EBF1: variants seen among roughly 807,000 people sequenced by gnomAD.
The protein encoded by EBF1 is EBF transcription factor 1.
Under a neutral mutation model 68.4 loss-of-function variants are expected in EBF1, and 10 were observed. The ratio of observed to expected loss-of-function variants is 0.15; its 90% CI spans 0.09 to 0.25. EBF1 has a LOEUF of 0.25. EBF1 is among the 10% of genes least tolerant of loss of function. The pLI is 1.00. For synonymous variants in EBF1, 298 were observed against 299.8 expected (o/e 0.99, Z 0.06); for missense variants, 509 against 794.4 (o/e 0.64, Z 4.32).
intron 4 of EBF1, among the ~76,000 whole-genome samples, chr5:159,085,440 A>G (rs1780454523): frequency 6.6e-6 from 1 of 152,186 alleles, no homozygotes. Flanking sequence ...AAATCACCTC[A>G]CCAGCCCAAA....
At chr5:158,978,376 C>T (rs1757199971) in intron 6 of EBF1, among the ~76,000 whole-genome samples, 1 of 152,226 alleles carries the variant, frequency 6.6e-6, no homozygotes, top group African/African-American at 2.4e-5. Flanking sequence ...AACTACTGCA[C>T]ACTTGAGAAC....
At chr5:158,777,848 A>G (rs573263834) in intron 9 of EBF1, among the ~76,000 whole-genome samples, 5 of 152,260 alleles carry the variant, frequency 3.3e-5, no homozygotes, top group South Asian at 2.1e-4. Context: ...TCTGAAGCAG[A>G]CACCCAAATC....
chr5:158,947,074 C>T (rs1442329336), intron 6 of EBF1, among the ~76,000 whole-genome samples: 1 of 152,172 alleles, frequency 6.6e-6, no homozygotes, highest in Non-Finnish European at 1.5e-5. Context: ...CTTCAGACTG[C>T]TGTGCTGGCA....
intron 6 of EBF1, among the ~76,000 whole-genome samples, chr5:158,962,285 C>T (rs976016050): frequency 2.6e-5 from 4 of 152,100 alleles, no homozygotes; most frequent in Non-Finnish European, 4.4e-5. Context: ...CAAACAATCA[C>T]ATTAAACTCA....
At chr5:158,822,145 T>C (rs77468350) in intron 8 of EBF1, among the ~76,000 whole-genome samples, 2 of 152,210 alleles carry the variant, frequency 1.3e-5, no homozygotes, top group East Asian at 1.9e-4. Flanking sequence ...TTGCTGACCC[T>C]AGCAAACTGG....
rs537322799 is a variant in EBF1 at position 158,899,127 on chromosome 5, A to G, written c.555-59017T>C. On this transcript the variant is annotated intron_variant, in intron 6 of 15. Transcript: ENST00000313708. ...CGTGAAAATGAAAATTACATATTAA[A>G]CTATTCCAACAGGTGCCATTTTAAA... Among the ~76,000 whole-genome samples the G allele has an allele frequency of 2.6e-5, 4 of 152,366 alleles. No individual in the cohort carries two copies. The South Asian group carries it at 6.2e-4, about 24-fold the overall frequency.
At chr5:159,027,046 T>C (rs777561146) in intron 6 of EBF1, among the ~76,000 whole-genome samples, 4 of 152,208 alleles carry the variant, frequency 2.6e-5, no homozygotes, top group African/African-American at 4.8e-5. Context: ...GGACCATTAG[T>C]GCATATTTTC....
At position 158,863,870 on chromosome 5, in the gene EBF1, C is replaced by T. The variant is rs528575193; in HGVS notation, c.555-23760G>A. Among the ~76,000 whole-genome samples, 3 of 152,204 alleles carry T rather than the reference C, an allele frequency of 2.0e-5. No individual in the cohort carries two copies. In the South Asian group the frequency reaches 6.2e-4, roughly 32 times the overall value. On this transcript the variant is annotated intron_variant, in intron 6 of 15. Transcript: ENST00000313708. Reference sequence around the variant, plus strand: ...GATGCCAAAGTCTCATGAAAATATACAGAAACCGGAAGCTCAATGGCAGCA... The same window carrying T: ...GATGCCAAAGTCTCATGAAAATATATAGAAACCGGAAGCTCAATGGCAGCA...
At chr5:158,756,517 A>G (rs2127602631) in intron 10 of EBF1, among the ~76,000 whole-genome samples, 1 of 152,190 alleles carries the variant, frequency 6.6e-6, no homozygotes, top group Non-Finnish European at 1.5e-5. Flanking sequence ...ATTCCTGATT[A>G]AAAATAACCT....
chr5:159,064,198 A>G (rs1195971961), intron 6 of EBF1, among the ~76,000 whole-genome samples: 1 of 152,208 alleles, frequency 6.6e-6, no homozygotes, highest in African/African-American at 2.4e-5. Context: ...GTGTGTATAT[A>G]TACATATAAA....
chr5:158,853,870 C>T (rs1455641809), intron 6 of EBF1, among the ~76,000 whole-genome samples: 5 of 152,138 alleles, frequency 3.3e-5, no homozygotes, highest in Non-Finnish European at 5.9e-5. Context: ...GTCTCAAATG[C>T]AGACCCTACA....
At chr5:159,066,903 T>C (rs1320933155) in intron 6 of EBF1, among the ~76,000 whole-genome samples, 3 of 152,144 alleles carry the variant, frequency 2.0e-5, no homozygotes, top group African/African-American at 7.2e-5. Flanking sequence ...CTGGATAGTA[T>C]GTAGTTACGC....
chr5:159,025,881 G>A (rs1237218423), intron 6 of EBF1, among the ~76,000 whole-genome samples: 1 of 152,186 alleles, frequency 6.6e-6, no homozygotes, highest in South Asian at 2.1e-4. Context: ...TTCAAGTGAA[G>A]CAACAACTTG....
chr5:158,828,476 T>C (rs1021276489), intron 7 of EBF1, among the ~76,000 whole-genome samples: 30 of 152,286 alleles, frequency 2.0e-4, no homozygotes, highest in Admixed American at 1.8e-3. Flanking sequence ...GAGGGATCCT[T>C]GTGGTGATGA....
chr5:159,097,847 C>T (rs35069904), intron 1 of EBF1, among the ~76,000 whole-genome samples: 20,280 of 152,270 alleles, frequency 0.13, 1,512 homozygotes, highest in Non-Finnish European at 0.17. Context: ...TGGCTCAGTG[C>T]GCCGGCCGGC....
chr5:158,852,236 G>A (rs1307687247), intron 6 of EBF1, among the ~76,000 whole-genome samples: 1 of 151,822 alleles, frequency 6.6e-6, no homozygotes, highest in African/African-American at 2.4e-5. Flanking sequence ...TGTGGGGGGT[G>A]GGGGACACAG....
At chr5:158,940,059 C>T (rs79564882) in intron 6 of EBF1, among the ~76,000 whole-genome samples, 3,552 of 152,290 alleles carry the variant, frequency 0.023, 139 homozygotes, top group African/African-American at 0.082. Flanking sequence ...ACTTACCTGG[C>T]GGGTAGCTGT....
chr5:159,051,349 C>T lies in EBF1; in HGVS notation c.554+22047G>A, dbSNP rs534886020. ...CCACCCTGTCCCCTCTCTCCCCTCC[C>T]CAGCCCCCCAAACAAATCCCCCGGT... On this transcript the variant is annotated intron_variant, in intron 6 of 15. Coordinates refer to ENST00000313708, the MANE Select transcript of EBF1 (RefSeq NM_024007.5). Among the ~76,000 whole-genome samples the T allele has an allele frequency of 2.6e-3, 368 of 142,462 alleles. 2 individuals carry two copies. The highest frequency in any genetic ancestry group is 0.01 in the Middle Eastern group (3 of 288). The allele number at this position is 142,462 out of a possible 152,430, so 93.5% of individuals were successfully genotyped here. A position where few individuals can be genotyped will look rare whatever the true frequency, so the allele number is the denominator to read the frequency against.
chr5:159,000,535 C>G (rs1054272999), intron 6 of EBF1, among the ~76,000 whole-genome samples: 1 of 152,124 alleles, frequency 6.6e-6, no homozygotes, highest in Non-Finnish European at 1.5e-5. Context: ...GTATTGCAAA[C>G]ATTTTCTCAA....
Sources: allele counts gnomAD v4.1 joint callset (sites outside exome capture counted in the v4.1 genomes callset), GRCh38; gene constraint gnomAD v4.1.1; transcripts MANE v1.5; gene names NCBI Gene and HGNC (gene_info 2026-07-23, HGNC 2026-07-21).